The following BAIAP2 variants were observed in gnomAD, a reference collection of about 807,000 sequenced individuals.
The protein encoded by BAIAP2 is BAR/IMD domain-containing adapter protein 2.
BAIAP2 carries 18 observed loss-of-function variants against 63.0 expected under a neutral mutation model. The observed-to-expected ratio is 0.29, with a 90% CI of 0.20 to 0.42. The LOEUF is 0.42. BAIAP2 is among the 10% of genes least tolerant of loss of function. The pLI is 1.00. For synonymous variants in BAIAP2, 386 were observed against 307.6 expected, an observed-to-expected ratio of 1.25 and a Z score of -2.67; for missense variants, 610 against 734.3, an observed-to-expected ratio of 0.83 and a Z score of 1.96.
chr17:81,099,058 A>G (rs1418097961), intron 6 of BAIAP2, among the ~76,000 whole-genome samples: 5 of 147,628 alleles, frequency 3.4e-5, no homozygotes, highest in African/African-American at 1.3e-4. Context: ...AAGGGCAGCA[A>G]TCAGGCCTAC....
In BAIAP2 at chr17:81,046,488, C is replaced by G. The variant is rs976935794; in HGVS notation, c.55-7180C>G. On this transcript the variant is annotated intron_variant, in intron 1 of 13. Coordinates refer to ENST00000428708, the MANE Select transcript of BAIAP2 (RefSeq NM_001144888.2). This position sits in a 1 kb window ranked among gnomAD's most constrained non-coding sequence, Gnocchi z 4.5. Reference sequence around the variant, plus strand: ...GGCTTCCTTCACACCCCCACAGCCCCCACTCCTCTTGCCCTGTGAGCCAGC... The same window carrying G: ...GGCTTCCTTCACACCCCCACAGCCCGCACTCCTCTTGCCCTGTGAGCCAGC... 6.6e-6 allele frequency among the ~76,000 whole-genome samples: 1 copy of G among 152,124 alleles called. No homozygotes were observed. The highest frequency in any genetic ancestry group is 2.4e-5 in the African/African-American group (1 of 41,420).
At chr17:81,070,056 C>T (rs1420035650) in intron 3 of BAIAP2, among the ~76,000 whole-genome samples, 2 of 152,162 alleles carry the variant, frequency 1.3e-5, no homozygotes, top group Admixed American at 6.5e-5. Context: ...GCCTCCTGGG[C>T]TCAAGCGATC....
intron 6 of BAIAP2, among the ~76,000 whole-genome samples, chr17:81,092,909 C>G (rs112748876): frequency 6.6e-6 from 1 of 152,142 alleles, no homozygotes; most frequent in Non-Finnish European, 1.5e-5. Context: ...TCCAGCTCCT[C>G]CTTAGAACAG....
Position 81,055,293 on chromosome 17 carries a change from C to T in BAIAP2, c.130+1550C>T, listed in dbSNP as rs543549806. ...TCCCTGGCACTGCCCTCCTTCTCAG[C>T]TCCCCAGGTGGACCAGTTGTGCCCG... On this transcript the variant is annotated intron_variant, in intron 2 of 13. Coordinates refer to ENST00000428708, the MANE Select transcript of BAIAP2 (RefSeq NM_001144888.2). Among the ~76,000 whole-genome samples, 8 of 152,338 alleles carry T rather than the reference C, an allele frequency of 5.3e-5. No homozygotes were observed. In the East Asian group the frequency reaches 1.5e-3, roughly 29 times the overall value.
Position 81,103,613 on chromosome 17 carries a change from G to T in BAIAP2, c.754G>T (p.Ala252Ser). ...CATGCAGCAGGTGGCCAGCAACGGC[G>T]CCACCCTCCCCAGCGCCCTGTCGGC... is the stretch of plus-strand genomic sequence containing the variant. ...QLMQQVASNGATLPSALSASK... is the reference protein window; with the variant it reads ...QLMQQVASNGSTLPSALSASK... Residue 252 changes from alanine to serine, a missense_variant, in exon 8 of 14, where the codon GCC (alanine) becomes TCC (serine). By Grantham distance (99) the Ala-to-Ser change is moderately conservative. Transcript: ENST00000428708. 6.2e-7 allele frequency: 1 copy of T among 1,605,496 alleles called. No individual in the cohort carries two copies. The highest frequency in any genetic ancestry group is 8.5e-7 in the Non-Finnish European group (1 of 1,179,214).
At chr17:81,053,344 G>C (rs1344702454) in intron 1 of BAIAP2, 1 of 298,488 alleles carries the variant, frequency 3.4e-6, no homozygotes, top group Non-Finnish European at 6.3e-6. Context: ...CACCTCGGCA[G>C]CGGCGCGTCT....
At chr17:81,075,316 T>A (rs775269552) in intron 3 of BAIAP2, among the ~76,000 whole-genome samples, 1 of 152,144 alleles carries the variant, frequency 6.6e-6, no homozygotes, top group Non-Finnish European at 1.5e-5. Context: ...TCCCTTCCCC[T>A]GTGCTTCTGG....
intron 3 of BAIAP2, among the ~76,000 whole-genome samples, chr17:81,076,864 G>A (rs1011897886): frequency 2.6e-5 from 4 of 152,256 alleles, no homozygotes; most frequent in East Asian, 1.9e-4. Flanking sequence ...CCAGCTCCTC[G>A]AGAGGCTGGG....
At chr17:81,079,934 A>G (rs543930711) in intron 3 of BAIAP2, among the ~76,000 whole-genome samples, 2 of 151,872 alleles carry the variant, frequency 1.3e-5, no homozygotes, top group South Asian at 4.2e-4. Context: ...CATGGGAGGG[A>G]GTGTGGAGAG....
intron 6 of BAIAP2, among the ~76,000 whole-genome samples, chr17:81,089,106 G>C (rs2056260479): frequency 6.6e-6 from 1 of 152,268 alleles, no homozygotes; most frequent in African/African-American, 2.4e-5. Flanking sequence ...TCCCGAGGCT[G>C]TGTGTGCACA....
At chr17:81,108,209 G>A (rs1165570322) in intron 12 of BAIAP2, 8 of 577,576 alleles carry the variant, frequency 1.4e-5, no homozygotes, top group Admixed American at 3.1e-5. Context: ...CATCTGTTTG[G>A]GAGTGTGCAA....
intron 13 of BAIAP2, chr17:81,109,872 C>T: frequency 1.0e-6 from 1 of 985,346 alleles, no homozygotes; most frequent in Non-Finnish European, 1.2e-6. Flanking sequence ...GGCTACCTGG[C>T]TGCTCTGGGC....
intron 1 of BAIAP2, among the ~76,000 whole-genome samples, chr17:81,037,168 C>T (rs1005440219): frequency 6.6e-6 from 1 of 152,180 alleles, no homozygotes. Context: ...GTCTGGAGCA[C>T]GTGAAACACA....
chr17:81,078,169 CGGGTGCCGT>C (rs1568125750), intron 3 of BAIAP2, among the ~76,000 whole-genome samples: 1 of 127,390 alleles, frequency 7.8e-6, no homozygotes, highest in African/African-American at 2.9e-5. Context: ...GCTGTGGGTG[CGGGTGCCGT>C]ATTGGGTGGG....
At chr17:81,078,512 G>A in intron 3 of BAIAP2, among the ~76,000 whole-genome samples, 1 of 128,674 alleles carries the variant, frequency 7.8e-6, no homozygotes. Context: ...TCGGAGCTGG[G>A]TGCTGTGGTG....
intron 3 of BAIAP2, among the ~76,000 whole-genome samples, chr17:81,070,593 T>C (rs1432948315): frequency 6.6e-6 from 1 of 152,166 alleles, no homozygotes; most frequent in Non-Finnish European, 1.5e-5. Flanking sequence ...GGCCCTGGCG[T>C]GCCTGTCCCG....
intron 1 of BAIAP2, among the ~76,000 whole-genome samples, chr17:81,049,690 C>T (rs992145472): frequency 2.0e-5 from 3 of 152,202 alleles, no homozygotes; most frequent in Admixed American, 6.5e-5. Flanking sequence ...CACCTGGGGC[C>T]GCTGCTGTTG....
At chr17:81,062,305 T>C (rs1034130502) in intron 3 of BAIAP2, among the ~76,000 whole-genome samples, 4 of 103,480 alleles carry the variant, frequency 3.9e-5, no homozygotes, top group African/African-American at 1.3e-4. Context: ...TTCAATGGAC[T>C]GATTTTTTTT....
intron 3 of BAIAP2, among the ~76,000 whole-genome samples, chr17:81,060,454 CCTT>C (rs1474102376): frequency 6.6e-6 from 1 of 152,170 alleles, no homozygotes; most frequent in Non-Finnish European, 1.5e-5. Context: ...CGGTGTGTGA[CCTT>C]CTGTGTCTGA....
Sources: allele counts gnomAD v4.1 joint callset (sites outside exome capture counted in the v4.1 genomes callset), GRCh38; gene constraint gnomAD v4.1.1; non-coding constraint Gnocchi (gnomAD v3.1); transcripts MANE v1.5; gene names NCBI Gene and HGNC (gene_info 2026-07-23, HGNC 2026-07-21).